Variants in MX2 observed in about 807,000 individuals in gnomAD.
MX2 encodes MX dynamin like GTPase 2.
In MX2, 51 loss-of-function variants were observed where a neutral mutation model predicts 74.0. The observed-to-expected ratio is 0.69, with a 90% CI of 0.55 to 0.87. The LOEUF (loss-of-function observed/expected upper bound fraction) is 0.87. MX2 is among the 40% of genes least tolerant of loss of function. The probability of loss-of-function intolerance (pLI) is 0.00; values close to 1 mark genes in which losing one functional copy is unlikely to be tolerated. For missense variants in MX2, 832 were observed against 908.7 expected (o/e 0.92, Z 1.09); for synonymous variants, 369 against 339.3 (o/e 1.09, Z -0.96).
intron 1 of MX2, chr21:41,372,866 T>C (rs906712776): frequency 3.9e-5 from 6 of 152,254 alleles, no homozygotes; most frequent in African/African-American, 1.4e-4. Flanking sequence ...TAGAACATTT[T>C]GATGGGTGCA....
rs755187583 is a variant in MX2, at chr21:41,377,148, G to A, written c.242G>A (p.Arg81Lys). ...QPPPGNRSQPRAMGPENNLYS... is the reference protein window; with the variant it reads ...QPPPGNRSQPKAMGPENNLYS... ...CCACCAGGAAACAGGAGCCAACCAA[G>A]GGCAATGGTAAGCCCGGTGGAGGGA... The change falls in exon 2 of 14, where the codon AGG (arginine) becomes AAG (lysine). Residue 81 changes from arginine to lysine, a missense_variant. Transcript: ENST00000330714. 7.4e-6 allele frequency: 12 copies of A among 1,614,104 alleles called. 1 individual carries two copies. The South Asian group carries it at 1.2e-4, about 16-fold the overall frequency.
At chr21:41,387,482 T>G (rs2089595800) in intron 5 of MX2, among the ~76,000 whole-genome samples, 1 of 152,182 alleles carries the variant, frequency 6.6e-6, no homozygotes, top group Non-Finnish European at 1.5e-5. Context: ...ATTGATCACT[T>G]TCTCCTTCTT....
At chr21:41,372,053 A>C (rs931260605) in intron 1 of MX2, among the ~76,000 whole-genome samples, 5 of 152,216 alleles carry the variant, frequency 3.3e-5, no homozygotes, top group Admixed American at 2.0e-4. Context: ...CCAGGACAGT[A>C]AGTCTATAAT....
Position 41,368,674 on chromosome 21 carries a change from T to A in MX2, c.-72+6619T>A, listed in dbSNP as rs534802472. Among the ~76,000 whole-genome samples, 9 of 152,312 alleles carry A rather than the reference T, an allele frequency of 5.9e-5. No individual in the cohort carries two copies. The highest frequency in any genetic ancestry group is 5.9e-4 in the Admixed American group (9 of 15,308). ...GGGTGAGGGTGGCGACAGTTTTAAA[T>A]ATGTTTTAAAAGGAACATGAAATGA... On this transcript the variant is annotated intron_variant, in intron 1 of 13. Coordinates refer to ENST00000330714, the MANE Select transcript of MX2 (RefSeq NM_002463.2). This position sits in a 1 kb window ranked among gnomAD's most constrained non-coding sequence, Gnocchi z 4.6.
At chr21:41,393,842 T>A (rs1207212705) in intron 6 of MX2, among the ~76,000 whole-genome samples, 3 of 152,086 alleles carry the variant, frequency 2.0e-5, no homozygotes, top group African/African-American at 7.2e-5. Context: ...TCCATCCTGA[T>A]TCACCTCCTC....
At chr21:41,385,773 C>T (rs1451414472) in intron 5 of MX2, among the ~76,000 whole-genome samples, 2 of 152,092 alleles carry the variant, frequency 1.3e-5, no homozygotes, top group Non-Finnish European at 2.9e-5. Flanking sequence ...ATTAAGTTAT[C>T]TATCTTATAT....
rs2089264324 is a variant in MX2, at chr21:41,366,198, A to G, written c.-72+4143A>G. On this transcript the variant is annotated intron_variant, in intron 1 of 13. Transcript: ENST00000330714. This position sits in a 1 kb window ranked among gnomAD's most constrained non-coding sequence, Gnocchi z 4.5. ...CCTTCGTGTATCACTGGGAAATCTT[A>G]AAGATCCCACAGTGGCCTGTGAGTT... The G allele has an allele frequency of 6.6e-6, 1 of 152,246 alleles. No individual in the cohort carries two copies. Among genetic ancestry groups the G allele is most frequent in the African/African-American group, 2.4e-5 (1 of 41,454 alleles). The allele number at this position is 152,246 out of a possible 1,614,324, so 9.4% of individuals were successfully genotyped here. A position where few individuals can be genotyped will look rare whatever the true frequency, so the allele number is the denominator to read the frequency against.
intron 6 of MX2, among the ~76,000 whole-genome samples, chr21:41,391,707 A>C (rs2089662263): frequency 6.6e-6 from 1 of 152,146 alleles, no homozygotes; most frequent in Admixed American, 6.5e-5. Context: ...AAATTCAGTC[A>C]ATCAATAGTC....
intron 1 of MX2, among the ~76,000 whole-genome samples, chr21:41,375,461 C>T (rs770949085): frequency 3.5e-4 from 53 of 152,250 alleles, no homozygotes; most frequent in Admixed American, 2.1e-3. Flanking sequence ...AAGGTGTCGG[C>T]AGAGCTGGTT....
chr21:41,405,394 TG>T, intron 12 of MX2, among the ~76,000 whole-genome samples: 1 of 152,326 alleles, frequency 6.6e-6, no homozygotes, highest in South Asian at 2.1e-4. Context: ...TTCTGGAGGC[TG>T]GGAGCCTGAG....
At chr21:41,393,177 T>C (rs1370984110) in intron 6 of MX2, among the ~76,000 whole-genome samples, 1 of 115,108 alleles carries the variant, frequency 8.7e-6, no homozygotes, top group African/African-American at 3.2e-5. Flanking sequence ...GACTACACAA[T>C]ACTTCCAAAG....
At chr21:41,387,546 T>G (rs562456418) in intron 5 of MX2, among the ~76,000 whole-genome samples, 1 of 152,290 alleles carries the variant, frequency 6.6e-6, no homozygotes, top group Admixed American at 6.5e-5. Context: ...TTTCTCTCCC[T>G]CCTGTTGGTC....
intron 6 of MX2, among the ~76,000 whole-genome samples, chr21:41,391,389 CT>C (rs11405891): frequency 3.2e-3 from 453 of 142,292 alleles, no homozygotes; most frequent in Middle Eastern, 3.6e-3. Context: ...TAAATATTAG[CT>C]TTTTTTTTTT....
chr21:41,381,684 C>CAAAAAAAA (rs57350601), intron 4 of MX2, among the ~76,000 whole-genome samples: 3 of 58,440 alleles, frequency 5.1e-5, no homozygotes, highest in African/African-American at 1.1e-4. Context: ...GACTCTGTCT[C>CAAAAAAAA]AAAAAAAAAA....
At chr21:41,369,917 G>A (rs548313286) in intron 1 of MX2, among the ~76,000 whole-genome samples, 1 of 151,914 alleles carries the variant, frequency 6.6e-6, no homozygotes, top group East Asian at 2.0e-4. Context: ...GAACTTCCAG[G>A]AAGCCCGCGT....
In MX2 at chr21:41,390,616, G is replaced by C. The variant is rs149261460; in HGVS notation, c.784G>C (p.Val262Leu). 1.2e-6 allele frequency: 2 copies of C among 1,614,074 alleles called. No homozygotes were observed. The highest frequency in any genetic ancestry group is 2.7e-5 in the African/African-American group (2 of 74,924). The stretch of plus-strand genomic sequence containing the variant: ...CCAGAGGCAGCAGACGATCAACTTG[G>C]TGGTGGTTCCCTGTAACGTGGACAT... ...YIQRQQTINL[V>L]VVPCNVDIAT... Residue 262 changes from valine to leucine, a missense_variant, in exon 6 of 14, where the codon GTG becomes CTG. By Grantham distance (32) the Val-to-Leu change is conservative. Transcript: ENST00000330714.
At chr21:41,390,439 C>T in intron 5 of MX2, 126 bp from the exon 6 acceptor site, 3 of 1,397,732 alleles carry the variant, frequency 2.1e-6, no homozygotes, top group South Asian at 1.3e-5. Flanking sequence ...CTCGGCCTAG[C>T]AAAGCCCAGA....
chr21:41,362,757 T>C (rs866473526), intron 1 of MX2, among the ~76,000 whole-genome samples: 1,987 of 74,082 alleles, frequency 0.027, 61 homozygotes, highest in African/African-American at 0.074. Context: ...TTTCTTTTTT[T>C]TTTTTTTTTT....
intron 5 of MX2, among the ~76,000 whole-genome samples, chr21:41,383,922 G>T (rs955495549): frequency 3.3e-5 from 5 of 152,148 alleles, no homozygotes; most frequent in East Asian, 1.9e-4. Flanking sequence ...TGGTGATATG[G>T]TTTGGTTCTG....
Sources: gnomAD v4.1 joint callset for allele counts (sites outside exome capture counted in the v4.1 genomes callset) on GRCh38, gnomAD v4.1.1 for gene constraint, Gnocchi (gnomAD v3.1) non-coding constraint, MANE v1.5 for transcripts, NCBI Gene and HGNC (gene_info 2026-07-23, HGNC 2026-07-21) for gene names.